Variants in WNT3 observed in about 807,000 individuals in gnomAD.
WNT3 encodes the protein proto-oncogene Wnt-3.
Under a neutral mutation model 34.2 loss-of-function variants are expected in WNT3, and 7 were observed. The observed-to-expected ratio is 0.20, with a 90% CI of 0.12 to 0.38. The LOEUF is 0.38. Among genes scored for constraint, WNT3 ranks in the 10% least tolerant of loss-of-function variants. The pLI is 1.00. For missense variants in WNT3, 267 were observed against 499.8 expected, an observed-to-expected ratio of 0.53 and a Z score of 4.44; for synonymous variants, 212 against 211.5, an observed-to-expected ratio of 1.00 and a Z score of -0.02.
intron 3 of WNT3, among the ~76,000 whole-genome samples, chr17:46,769,330 AAAG>A (rs1353815590): frequency 4.0e-5 from 6 of 151,852 alleles, no homozygotes; most frequent in African/African-American, 1.5e-4. Context: ...AAAAAAAAAA[AAAG>A]AAAAGAAAAA....
At chr17:46,766,332 C>T (rs1477314689) in intron 4 of WNT3, among the ~76,000 whole-genome samples, 1 of 151,928 alleles carries the variant, frequency 6.6e-6, no homozygotes, top group East Asian at 1.9e-4. Context: ...CGCTTGAACC[C>T]AGGTGGCGGA....
In WNT3 at chr17:46,768,861, T is replaced by C; in HGVS notation, c.589-62A>G. 6.3e-7 allele frequency: 1 copy of C among 1,581,818 alleles called. No individual in the cohort carries two copies. Among genetic ancestry groups the C allele is most frequent in the Non-Finnish European group, 8.6e-7 (1 of 1,167,300 alleles). ...CCCCACGAGGGGGCACATCCAGGCCTTCCCTCTCTGCCACTGCCCACCCCC... is the reference window on the plus strand; with the variant it reads ...CCCCACGAGGGGGCACATCCAGGCCCTCCCTCTCTGCCACTGCCCACCCCC... On this transcript the variant is annotated intron_variant, in intron 3 of 4. Coordinates refer to ENST00000225512, the MANE Select transcript of WNT3 (RefSeq NM_030753.5). This position sits in a 1 kb window ranked among gnomAD's most constrained non-coding sequence, Gnocchi z 5.0.
At chr17:46,808,042 A>C (rs2084220156) in intron 1 of WNT3, among the ~76,000 whole-genome samples, 2 of 152,368 alleles carry the variant, frequency 1.3e-5, no homozygotes, top group South Asian at 4.1e-4. Flanking sequence ...CACGTATATG[A>C]TGGAGACCAG....
chr17:46,790,944 A>G lies in WNT3; in HGVS notation c.81-17035T>C, dbSNP rs568394450. 1.3e-4 allele frequency among the ~76,000 whole-genome samples: 20 copies of G among 152,306 alleles called. No individual in the cohort carries two copies. The East Asian group carries it at 3.9e-3, about 29-fold the overall frequency. ...TCCTGCAGCCTCATGCGTCATCTGG[A>G]ACCCCCTGCCCAGGCCTGACTCCTC... On this transcript the variant is annotated intron_variant, in intron 1 of 4. Coordinates refer to ENST00000225512, the MANE Select transcript of WNT3 (RefSeq NM_030753.5).
chr17:46,768,609 C>A lies in WNT3; in HGVS notation c.779G>T (p.Arg260Leu). 6.2e-7 allele frequency: 1 copy of A among 1,614,130 alleles called. No homozygotes were observed. Among genetic ancestry groups the A allele is most frequent in the Non-Finnish European group, 8.5e-7 (1 of 1,180,040 alleles). Reference sequence around the variant, plus strand: ...TGGCTTGAAGAGCGAGTACTTGGCCCGGAGGGTCTCCACCCAGCCTCGGGA... The same window carrying A: ...TGGCTTGAAGAGCGAGTACTTGGCCAGGAGGGTCTCCACCCAGCCTCGGGA... The part of the protein sequence containing the change: ...RESRGWVETL[R>L]AKYSLFKPPT... The change falls in exon 4 of 5, where the codon CGG (arginine) becomes CTG (leucine). Residue 260 changes from arginine to leucine, a missense_variant. Physicochemically the swap from Arg to Leu is moderately radical, Grantham distance 102. Coordinates refer to ENST00000225512, the MANE Select transcript of WNT3 (RefSeq NM_030753.5). The surrounding 1 kb of genome is among the most constrained non-coding windows in gnomAD (Gnocchi z 5.0).
At position 46,793,612 on chromosome 17, in the gene WNT3, G is replaced by T. The variant is rs187949; in HGVS notation, c.81-19703C>A. On this transcript the variant is annotated intron_variant, in intron 1 of 4. Coordinates refer to ENST00000225512, the MANE Select transcript of WNT3 (RefSeq NM_030753.5). Reference sequence around the variant, plus strand: ...GCATTTGTGTGTGAGACAGGACAAAGAATTTCAGGGGACCAGAGAATTCAA... The same window carrying T: ...GCATTTGTGTGTGAGACAGGACAAATAATTTCAGGGGACCAGAGAATTCAA... 7.0e-3 allele frequency among the ~76,000 whole-genome samples: 1,063 copies of T among 152,284 alleles called. 15 individuals carry two copies. Among genetic ancestry groups the T allele is most frequent in the Non-Finnish European group, 0.011 (771 of 68,022 alleles).
chr17:46,765,524 G>T (rs2059304657), intron 4 of WNT3, among the ~76,000 whole-genome samples: 1 of 152,364 alleles, frequency 6.6e-6, no homozygotes, highest in East Asian at 1.9e-4. Context: ...AGGGCCCGGG[G>T]CCTGCTCTGC....
intron 1 of WNT3, among the ~76,000 whole-genome samples, chr17:46,806,815 C>A (rs1353938296): frequency 6.6e-6 from 1 of 152,182 alleles, no homozygotes; most frequent in Non-Finnish European, 1.5e-5. Flanking sequence ...TGGGGAGATC[C>A]CTGGCCGCCG....
intron 1 of WNT3, among the ~76,000 whole-genome samples, chr17:46,780,846 A>G (rs2059454571): frequency 6.6e-6 from 1 of 152,184 alleles, no homozygotes; most frequent in South Asian, 2.1e-4. Flanking sequence ...AGTGCTACTC[A>G]CAGCAGCCAA....
intron 2 of WNT3, among the ~76,000 whole-genome samples, chr17:46,771,645 C>T (rs1219153618): frequency 1.4e-5 from 2 of 144,742 alleles, no homozygotes; most frequent in African/African-American, 5.0e-5. Flanking sequence ...GGCCGCCGGG[C>T]CCGGGCCGCC....
intron 1 of WNT3, among the ~76,000 whole-genome samples, chr17:46,816,653 C>A (rs1430763999): frequency 6.6e-6 from 1 of 152,148 alleles, no homozygotes; most frequent in Non-Finnish European, 1.5e-5. Flanking sequence ...TGGGCAATCC[C>A]TATCTAGATG....
At chr17:46,774,820 G>A (rs570292583) in intron 1 of WNT3, among the ~76,000 whole-genome samples, 3 of 152,226 alleles carry the variant, frequency 2.0e-5, no homozygotes, top group Non-Finnish European at 4.4e-5. Flanking sequence ...CCTCAGCACA[G>A]GAACAGCAGA....
chr17:46,776,239 A>G (rs1014158561), intron 1 of WNT3, among the ~76,000 whole-genome samples: 2 of 152,194 alleles, frequency 1.3e-5, no homozygotes, highest in Non-Finnish European at 2.9e-5. Context: ...GGCCTGGCCC[A>G]TCTGCACCCT....
intron 1 of WNT3, among the ~76,000 whole-genome samples, chr17:46,779,093 ACACACACACACC>A (rs2059437299): frequency 1.7e-5 from 2 of 121,160 alleles, no homozygotes; most frequent in African/African-American, 2.7e-5. Flanking sequence ...ACACACACAC[ACACACACACACC>A]CCAGCCCACT....
chr17:46,816,710 G>A (rs778980684), intron 1 of WNT3, among the ~76,000 whole-genome samples: 1 of 152,164 alleles, frequency 6.6e-6, no homozygotes, highest in Non-Finnish European at 1.5e-5. Flanking sequence ...AACTGGAAGA[G>A]TGCCCTCTTC....
chr17:46,765,124 T>G (rs1353574569), intron 4 of WNT3, among the ~76,000 whole-genome samples: 1 of 152,278 alleles, frequency 6.6e-6, no homozygotes, highest in African/African-American at 2.4e-5. Flanking sequence ...CTCATTTGCA[T>G]AGTCATATCT....
chr17:46,816,971 C>A (rs1225212381), intron 1 of WNT3, among the ~76,000 whole-genome samples: 1 of 152,224 alleles, frequency 6.6e-6, no homozygotes, highest in Admixed American at 6.5e-5. Context: ...GCCCTGGCCA[C>A]CCCATGGACT....
chr17:46,800,871 G>A (rs184032462), intron 1 of WNT3, among the ~76,000 whole-genome samples: 1 of 152,318 alleles, frequency 6.6e-6, no homozygotes, highest in Admixed American at 6.5e-5. Context: ...GCTGCGCAGA[G>A]GAAGTGATGG....
At chr17:46,801,151 C>A (rs1450477990) in intron 1 of WNT3, among the ~76,000 whole-genome samples, 1 of 152,188 alleles carries the variant, frequency 6.6e-6, no homozygotes, top group African/African-American at 2.4e-5. Context: ...GTGAAGTCCA[C>A]CCAGATAAAA....
Sources: gnomAD v4.1 joint callset for allele counts (sites outside exome capture counted in the v4.1 genomes callset) on GRCh38, gnomAD v4.1.1 for gene constraint, Gnocchi (gnomAD v3.1) non-coding constraint, MANE v1.5 for transcripts, NCBI Gene and HGNC (gene_info 2026-07-23, HGNC 2026-07-21) for gene names.